Variants in NRL observed in about 807,000 individuals in gnomAD.
NRL encodes neural retina leucine zipper, also known as neural retina-specific leucine zipper protein.
In NRL, 16 loss-of-function variants were observed where a neutral mutation model predicts 12.5. The ratio of observed to expected loss-of-function variants is 1.28; its 90% CI spans 0.87 to 1.95. The LOEUF (loss-of-function observed/expected upper bound fraction) is 1.95. Among genes scored for constraint, NRL ranks in the 30% most tolerant of loss-of-function variants. The pLI, the probability that NRL is intolerant of heterozygous loss-of-function variation, is 0.00. For missense variants in NRL, 314 were observed against 325.8 expected (o/e 0.96, Z 0.28); for synonymous variants, 142 against 150.9 (o/e 0.94, Z 0.43).
intron 1 of NRL, among the ~76,000 whole-genome samples, chr14:24,083,283 TA>T (rs1307701109): frequency 2.0e-5 from 3 of 152,186 alleles, no homozygotes; most frequent in African/African-American, 7.2e-5. Flanking sequence ...AGTGAGTGTA[TA>T]TTTTAGGACA....
At chr14:24,100,446 T>A in intron 1 of NRL, 4 of 961,214 alleles carry the variant, frequency 4.2e-6, no homozygotes, top group Non-Finnish European at 5.9e-6. Flanking sequence ...AGTTTCCACA[T>A]CAGTTGAATG....
chr14:24,088,837 G>C (rs1367770830), intron 1 of NRL, among the ~76,000 whole-genome samples: 1 of 110,292 alleles, frequency 9.1e-6, no homozygotes, highest in African/African-American at 3.6e-5. Context: ...ACAGAGTCTT[G>C]CTCTGTCCCC....
intron 1 of NRL, chr14:24,103,051 G>T: frequency 8.4e-7 from 1 of 1,195,566 alleles, no homozygotes; most frequent in South Asian, 1.3e-5. Context: ...GTCTGAAAAT[G>T]GGATAGCCGA....
At chr14:24,107,630 A>G (rs1229572891) in intron 1 of NRL, among the ~76,000 whole-genome samples, 1 of 152,082 alleles carries the variant, frequency 6.6e-6, no homozygotes, top group Non-Finnish European at 1.5e-5. Flanking sequence ...AATTTTTTTC[A>G]TATGTCTTTC....
chr14:24,109,621 C>A (rs1000897770), intron 1 of NRL, among the ~76,000 whole-genome samples: 1 of 151,606 alleles, frequency 6.6e-6, no homozygotes, highest in Non-Finnish European at 1.5e-5. Context: ...TAGCATGAAC[C>A]CGGGAGGCGG....
chr14:24,103,275 C>T (rs1182971138), intron 1 of NRL: 1 of 1,578,492 alleles, frequency 6.3e-7, no homozygotes, highest in Non-Finnish European at 8.7e-7. Flanking sequence ...CTCACCATTC[C>T]TCCCTCTCCT....
chr14:24,103,930 T>C (rs1396088745), intron 1 of NRL: 1 of 1,613,892 alleles, frequency 6.2e-7, no homozygotes, highest in East Asian at 2.2e-5. Context: ...TTGGCTGAGC[T>C]TGAGGCCCTG....
chr14:24,083,581 C>T (rs150844789), intron 1 of NRL, among the ~76,000 whole-genome samples: 3,024 of 152,346 alleles, frequency 0.02, 174 homozygotes, highest in Admixed American at 0.12. Context: ...GATTTTCCTT[C>T]TATTCAGAAC....
Position 24,100,000 on chromosome 14 carries a change from C to T in NRL, c.-28+14722G>A, listed in dbSNP as rs762102113. On this transcript the variant is annotated intron_variant, in intron 1 of 2. Coordinates refer to ENST00000561028, the MANE Select transcript of NRL (RefSeq NM_001354768.3). ...TCTTTCACTTCTCCTAACAGGTCGA[C>T]TCCGGGCCATCAACCCTGAGAACGG... 12 of 1,614,218 alleles carry T rather than the reference C, an allele frequency of 7.4e-6. No homozygotes were observed. In the East Asian group the frequency reaches 2.5e-4, roughly 33 times the overall value.
intron 1 of NRL, among the ~76,000 whole-genome samples, chr14:24,107,526 T>C (rs2037357358): frequency 6.7e-6 from 1 of 149,498 alleles, no homozygotes; most frequent in South Asian, 2.2e-4. Context: ...GTGGATACTA[T>C]GGTGAGTAAT....
chr14:24,086,822 C>T (rs530040061), intron 1 of NRL, among the ~76,000 whole-genome samples: 3 of 152,304 alleles, frequency 2.0e-5, no homozygotes, highest in African/African-American at 7.2e-5. Flanking sequence ...GCGAGTTGAG[C>T]TGCTTGGGGC....
In NRL at chr14:24,099,269, G is replaced by A. The variant is rs201134177; in HGVS notation, c.-28+15453C>T. The A allele has an allele frequency of 1.1e-4, 171 of 1,570,944 alleles. No homozygotes were observed. In the African/African-American group the frequency reaches 1.3e-3, roughly 12 times the overall value. ...CCTGGTGAGAAGCAGGGCAGCTGCC[G>A]GGGACAGGGCAGGGGTGGGGCCTGG... On this transcript the variant is annotated intron_variant, in intron 1 of 2. Coordinates refer to ENST00000561028, the MANE Select transcript of NRL (RefSeq NM_001354768.3).
At position 24,081,148 on chromosome 14, in the gene NRL, T is replaced by C; in HGVS notation, c.*88A>G. 2 of 962,444 alleles carry C rather than the reference T, an allele frequency of 2.1e-6. No homozygotes were observed. The highest frequency in any genetic ancestry group is 1.4e-6 in the Non-Finnish European group (1 of 725,310). 59.6% of individuals were successfully genotyped at this position (962,444 alleles called of 1,614,324 possible). A position where few individuals can be genotyped will look rare whatever the true frequency, so the allele number is the denominator to read the frequency against. On this transcript the variant is annotated 3_prime_UTR_variant, in exon 3 of 3. Transcript: ENST00000561028. This position sits in a 1 kb window ranked among gnomAD's most constrained non-coding sequence, Gnocchi z 4.4. ...GCGTGGCTAGGACCAGAAGGCGCTCTGGTAACGATGCAGAGAACCGTGCAG... is the reference window on the plus strand; with the variant it reads ...GCGTGGCTAGGACCAGAAGGCGCTCCGGTAACGATGCAGAGAACCGTGCAG...
chr14:24,101,699 G>T (rs1214206295), intron 1 of NRL, among the ~76,000 whole-genome samples: 1 of 152,188 alleles, frequency 6.6e-6, no homozygotes. Context: ...GAGGCAGTTG[G>T]ATCACCTGAG....
At chr14:24,083,376 G>A (rs1252729824) in intron 1 of NRL, among the ~76,000 whole-genome samples, 1 of 152,214 alleles carries the variant, frequency 6.6e-6, no homozygotes, top group Non-Finnish European at 1.5e-5. Flanking sequence ...AGCACTCAGG[G>A]AAGTGCCTTG....
chr14:24,090,825 C>G (rs981009985), intron 1 of NRL, among the ~76,000 whole-genome samples: 2 of 152,196 alleles, frequency 1.3e-5, no homozygotes, highest in Non-Finnish European at 2.9e-5. Flanking sequence ...TGCACGTGAG[C>G]CCCTTGCTCC....
Position 24,099,449 on chromosome 14 carries a change from G to A in NRL, c.-28+15273C>T, listed in dbSNP as rs1427395851. Reference sequence around the variant, plus strand: ...TGATGGCAGGGCAATCACTTATATAGTTAATAAACATTGGTCCTCCCTATT... The same window carrying A: ...TGATGGCAGGGCAATCACTTATATAATTAATAAACATTGGTCCTCCCTATT... On this transcript the variant is annotated intron_variant, in intron 1 of 2. Transcript: ENST00000561028. The A allele has an allele frequency of 8.8e-6, 10 of 1,133,652 alleles. No individual in the cohort carries two copies. The South Asian group carries it at 1.1e-4, about 12-fold the overall frequency. The allele number at this position is 1,133,652 out of a possible 1,614,324, so 70.2% of individuals were successfully genotyped here.
chr14:24,090,087 T>C (rs530071045), intron 1 of NRL, among the ~76,000 whole-genome samples: 3 of 152,196 alleles, frequency 2.0e-5, no homozygotes, highest in East Asian at 1.9e-4. Context: ...AGAGACATGA[T>C]GTGATCAGAT....
At chr14:24,097,031 C>T in intron 1 of NRL, 1 of 1,613,724 alleles carries the variant, frequency 6.2e-7, no homozygotes, top group Non-Finnish European at 8.5e-7. Context: ...CCTGTGCCAA[C>T]CAGAGGGCAT....
Sources: allele counts gnomAD v4.1 joint callset (sites outside exome capture counted in the v4.1 genomes callset), GRCh38; gene constraint gnomAD v4.1.1; non-coding constraint Gnocchi (gnomAD v3.1); transcripts MANE v1.5; gene names NCBI Gene and HGNC (gene_info 2026-07-23, HGNC 2026-07-21).